Variants in THSD7B observed in about 807,000 individuals in gnomAD.
The protein encoded by THSD7B is thrombospondin type 1 domain containing 7B.
THSD7B carries 138 observed loss-of-function variants against 213.6 expected under a neutral mutation model. That is an observed-to-expected ratio of 0.65 (90% CI 0.56 to 0.74). The LOEUF (loss-of-function observed/expected upper bound fraction) is 0.74. THSD7B is among the 30% of genes least tolerant of loss of function. The pLI is 0.00. For missense variants in THSD7B, 1,931 were observed against 1,991.5 expected (o/e 0.97, Z 0.58); for synonymous variants, 742 against 687.0 (o/e 1.08, Z -1.25).
intron 12 of THSD7B, among the ~76,000 whole-genome samples, chr2:137,299,298 T>C (rs913758000): frequency 2.6e-5 from 4 of 152,082 alleles, no homozygotes; most frequent in Non-Finnish European, 5.9e-5. Context: ...TGTACCCCCA[T>C]TGTATCTAGG....
At chr2:137,529,303 GA>G (rs1680337192) in intron 15 of THSD7B, among the ~76,000 whole-genome samples, 1 of 152,020 alleles carries the variant, frequency 6.6e-6, no homozygotes, top group Non-Finnish European at 1.5e-5. Flanking sequence ...GATTCATTGT[GA>G]CAAGCATTGG....
At chr2:137,310,136 G>A (rs1292286493) in intron 12 of THSD7B, among the ~76,000 whole-genome samples, 2 of 152,058 alleles carry the variant, frequency 1.3e-5, no homozygotes, top group African/African-American at 4.8e-5. Context: ...GTGTAATAGT[G>A]TTCCTATTTC....
At chr2:137,081,198 T>A (rs1687741059) in intron 3 of THSD7B, among the ~76,000 whole-genome samples, 1 of 152,150 alleles carries the variant, frequency 6.6e-6, no homozygotes, top group Non-Finnish European at 1.5e-5. Flanking sequence ...GGATTAGATT[T>A]TCAGGGGATA....
At position 137,328,706 on chromosome 2, in the gene THSD7B, T is replaced by G. The variant is rs147097980; in HGVS notation, c.2500+52680T>G. On this transcript the variant is annotated intron_variant, in intron 12 of 27. Coordinates refer to ENST00000409968, the MANE Select transcript of THSD7B (RefSeq NM_001316349.2). The stretch of plus-strand genomic sequence containing the variant: ...AATTGTAGTTCCCATAATCCCCACA[T>G]GTGGTGAGAGGGACCTGGTGGGAGG... Among the ~76,000 whole-genome samples, 16 of 152,322 alleles carry G rather than the reference T, an allele frequency of 1.1e-4. No individual in the cohort carries two copies. In the East Asian group the frequency reaches 3.1e-3, roughly 29 times the overall value.
intron 15 of THSD7B, among the ~76,000 whole-genome samples, chr2:137,503,941 C>A: frequency 6.6e-6 from 1 of 151,100 alleles, no homozygotes; most frequent in East Asian, 2.0e-4. Flanking sequence ...GCAGGAGAAT[C>A]GCTTGAACCT....
At chr2:137,672,459 T>C (rs941008443) in intron 27 of THSD7B, among the ~76,000 whole-genome samples, 7 of 152,192 alleles carry the variant, frequency 4.6e-5, no homozygotes, top group African/African-American at 1.4e-4. Context: ...ATAATGTCTA[T>C]AGCTTCCACA....
In THSD7B at chr2:137,125,716, T is replaced by G. The variant is rs1688619422; in HGVS notation, c.1369+10423T>G. 2.6e-5 allele frequency among the ~76,000 whole-genome samples: 4 copies of G among 152,210 alleles called. No individual in the cohort carries two copies. The South Asian group carries it at 8.3e-4, about 31-fold the overall frequency. On this transcript the variant is annotated intron_variant, in intron 5 of 27. Transcript: ENST00000409968. ...TCAATTTACTTTTCATTTATTTCATTTTCAATTATTTCATTTTCCCAGATC... is the reference window on the plus strand; with the variant it reads ...TCAATTTACTTTTCATTTATTTCATGTTCAATTATTTCATTTTCCCAGATC...
At chr2:137,013,637 C>T (rs890075276) in intron 2 of THSD7B, among the ~76,000 whole-genome samples, 8 of 152,132 alleles carry the variant, frequency 5.3e-5, no homozygotes, top group African/African-American at 1.9e-4. Flanking sequence ...CTGAACACCA[C>T]CTTTAGTGAG....
At position 137,384,483 on chromosome 2, in the gene THSD7B, G is replaced by A. The variant is rs80108292; in HGVS notation, c.2501-21130G>A. Among the ~76,000 whole-genome samples, 1,078 of 152,268 alleles carry A rather than the reference G, an allele frequency of 7.1e-3. 4 individuals are homozygous for A. Among genetic ancestry groups the A allele is most frequent in the Non-Finnish European group, 0.012 (797 of 68,032 alleles). ...AAATTCTCCTCTTTCTGCCAGCATG[G>A]GTGAAGGAAGGGAATAGGAAAGAGA... On this transcript the variant is annotated intron_variant, in intron 12 of 27. Coordinates refer to ENST00000409968, the MANE Select transcript of THSD7B (RefSeq NM_001316349.2).
intron 15 of THSD7B, among the ~76,000 whole-genome samples, chr2:137,482,358 T>G (rs1269194684): frequency 6.6e-6 from 1 of 152,188 alleles, no homozygotes; most frequent in Admixed American, 6.5e-5. Flanking sequence ...TCAAATAATT[T>G]CTGGAAACAC....
intron 12 of THSD7B, among the ~76,000 whole-genome samples, chr2:137,277,750 A>G (rs963373781): frequency 2.6e-5 from 4 of 152,086 alleles, no homozygotes; most frequent in African/African-American, 9.7e-5. Context: ...TGGGAGCTGG[A>G]GAGAAATAAA....
chr2:136,812,476 G>A (rs1435891928), intron 1 of THSD7B, among the ~76,000 whole-genome samples: 2 of 152,150 alleles, frequency 1.3e-5, no homozygotes, highest in South Asian at 4.1e-4. Flanking sequence ...ACTGTAGTGA[G>A]GTAGTTGTAA....
At chr2:137,073,473 T>C (rs1687545859) in intron 3 of THSD7B, among the ~76,000 whole-genome samples, 1 of 152,176 alleles carries the variant, frequency 6.6e-6, no homozygotes, top group Admixed American at 6.6e-5. Flanking sequence ...ATTTGATTCT[T>C]CTCTCTTTTC....
intron 10 of THSD7B, 45 bp downstream of exon 10, chr2:137,242,617 T>C: frequency 6.9e-7 from 1 of 1,456,956 alleles, no homozygotes; most frequent in Non-Finnish European, 9.6e-7. Flanking sequence ...CTAACCTGAT[T>C]GTTTCTCCAC....
chr2:137,304,545 A>G (rs1416954104), intron 12 of THSD7B, among the ~76,000 whole-genome samples: 1 of 152,172 alleles, frequency 6.6e-6, no homozygotes, highest in East Asian at 1.9e-4. Flanking sequence ...GATAATTATT[A>G]CACTTAATAC....
chr2:136,869,175 T>C (rs1037844401), intron 1 of THSD7B, among the ~76,000 whole-genome samples: 6 of 152,150 alleles, frequency 3.9e-5, no homozygotes, highest in African/African-American at 1.4e-4. Context: ...TTAGGGGTGG[T>C]GGAGTGGGAT....
intron 12 of THSD7B, among the ~76,000 whole-genome samples, chr2:137,285,271 C>T (rs968864918): frequency 6.6e-6 from 1 of 152,076 alleles, no homozygotes; most frequent in African/African-American, 2.4e-5. Context: ...TCCTCCATCC[C>T]TGTATTTTGA....
At chr2:137,181,917 TAATC>T (rs1321951049) in intron 7 of THSD7B, among the ~76,000 whole-genome samples, 2 of 152,158 alleles carry the variant, frequency 1.3e-5, no homozygotes, top group Non-Finnish European at 1.5e-5. Context: ...TGATTTTAAT[TAATC>T]AATTTTAATA....
Position 137,094,877 on chromosome 2 carries a change from T to G in THSD7B, c.955T>G (p.Cys319Gly). Residue 319 changes from cysteine to glycine, a missense_variant, in exon 4 of 28, where the codon TGC becomes GGC. Coordinates refer to ENST00000409968, the MANE Select transcript of THSD7B (RefSeq NM_001316349.2). ...TTCTACTTCTGTTTTTTTCAGCCTT[T>G]GCCTTCAAGATTCCTTCCCATTGAC... ...SDGQNAMLSL[C>G]LQDSFPLTVQ... 1 of 1,610,986 alleles carries G rather than the reference T, an allele frequency of 6.2e-7. No homozygotes were observed. Among genetic ancestry groups the G allele is most frequent in the Non-Finnish European group, 8.5e-7 (1 of 1,177,698 alleles).
Sources: allele counts gnomAD v4.1 joint callset (sites outside exome capture counted in the v4.1 genomes callset), GRCh38; gene constraint gnomAD v4.1.1; transcripts MANE v1.5; gene names NCBI Gene and HGNC (gene_info 2026-07-23, HGNC 2026-07-21).